PDE7B: variants seen among roughly 807,000 people sequenced by gnomAD.
PDE7B encodes phosphodiesterase 7B, also known as 3',5'-cyclic-AMP phosphodiesterase 7B.
In PDE7B, 29 loss-of-function variants were observed where a neutral mutation model predicts 56.2. The ratio of observed to expected loss-of-function variants is 0.52; its 90% CI spans 0.38 to 0.70. PDE7B has a LOEUF of 0.70. PDE7B is among the 30% of genes least tolerant of loss of function. The pLI is 0.00. For missense variants in PDE7B, 490 were observed against 565.0 expected (o/e 0.87, Z 1.35); for synonymous variants, 197 against 196.9 (o/e 1.00, Z 0.00).
chr6:136,109,254 G>C (rs560021579), intron 3 of PDE7B, among the ~76,000 whole-genome samples: 120 of 152,268 alleles, frequency 7.9e-4, no homozygotes, highest in Middle Eastern at 3.4e-3. Flanking sequence ...TGAGAGAATA[G>C]CTTGATCCCA....
chr6:136,073,476 A>C (rs1777081448), intron 2 of PDE7B, among the ~76,000 whole-genome samples: 1 of 152,194 alleles, frequency 6.6e-6, no homozygotes, highest in Non-Finnish European at 1.5e-5. Context: ...GTCCAGGATC[A>C]AGGCATCTGT....
At chr6:135,906,078 G>C (rs934016261) in intron 1 of PDE7B, among the ~76,000 whole-genome samples, 1 of 152,118 alleles carries the variant, frequency 6.6e-6, no homozygotes, top group African/African-American at 2.4e-5. Context: ...TGGTTGCTTG[G>C]AAGTGACGGT....
At chr6:136,148,536 T>C (rs1450372284) in intron 4 of PDE7B, among the ~76,000 whole-genome samples, 1 of 143,256 alleles carries the variant, frequency 7.0e-6, no homozygotes, top group Non-Finnish European at 1.5e-5. Context: ...CAGCAAGTAA[T>C]GTCAAAAGAG....
At position 136,149,269 on chromosome 6, in the gene PDE7B, T is replaced by C. The variant is rs192398783; in HGVS notation, c.382+119T>C. The C allele has an allele frequency of 1.1e-4, 82 of 713,728 alleles. No homozygotes were observed. In the East Asian group the frequency reaches 1.9e-3, roughly 16 times the overall value. The allele number at this position is 713,728 out of a possible 1,614,324, so 44.2% of individuals were successfully genotyped here. On this transcript the variant is annotated intron_variant, in intron 5 of 12. Transcript: ENST00000308191. ...CTTTTTCCTTCTTTCCCCATTTTCA[T>C]AAACCTACAGCTACTGAAGAAGGAC...
chr6:135,955,025 G>C (rs1313856790), intron 2 of PDE7B, among the ~76,000 whole-genome samples: 1 of 152,096 alleles, frequency 6.6e-6, no homozygotes, highest in Non-Finnish European at 1.5e-5. Flanking sequence ...CTTGTATTGA[G>C]TTAGCTTCAT....
At chr6:136,074,988 G>A (rs1777107704) in intron 2 of PDE7B, among the ~76,000 whole-genome samples, 1 of 152,040 alleles carries the variant, frequency 6.6e-6, no homozygotes. Context: ...ATAATTTAAG[G>A]GAATCTGGAT....
chr6:136,095,216 A>C (rs1777453533), intron 2 of PDE7B, among the ~76,000 whole-genome samples: 1 of 152,182 alleles, frequency 6.6e-6, no homozygotes, highest in Admixed American at 6.5e-5. Context: ...TTGCTTATCA[A>C]ATAATGTTCT....
At chr6:135,853,257 G>A (rs563945112) in intron 1 of PDE7B, among the ~76,000 whole-genome samples, 79 of 152,228 alleles carry the variant, frequency 5.2e-4, no homozygotes, top group African/African-American at 1.7e-3. Flanking sequence ...TATTAAGCAC[G>A]ATTTCAAACA....
intron 1 of PDE7B, among the ~76,000 whole-genome samples, chr6:135,922,240 A>G (rs944465867): frequency 4.6e-5 from 7 of 152,170 alleles, no homozygotes; most frequent in Non-Finnish European, 8.8e-5. Flanking sequence ...CCAGAGTGGC[A>G]TTTTATATGA....
chr6:136,167,504 G>A (rs1015152812), intron 8 of PDE7B, among the ~76,000 whole-genome samples: 3 of 152,140 alleles, frequency 2.0e-5, no homozygotes, highest in South Asian at 2.1e-4. Flanking sequence ...CATGTAAGAT[G>A]TGACTTGCTC....
intron 1 of PDE7B, among the ~76,000 whole-genome samples, chr6:135,902,771 C>A (rs1776027863): frequency 6.6e-6 from 1 of 152,080 alleles, no homozygotes; most frequent in African/African-American, 2.4e-5. Flanking sequence ...CAGCTTTTCA[C>A]AAATAAGTCA....
At chr6:136,048,119 G>GATAGATAGATAGATAGATAA (rs1306181319) in intron 2 of PDE7B, among the ~76,000 whole-genome samples, 5 of 152,110 alleles carry the variant, frequency 3.3e-5, no homozygotes, top group African/African-American at 1.2e-4. Context: ...CAGATAGATA[G>GATAGATAGATAGATAGATAA]ATGTGATATA....
At chr6:136,110,829 T>C (rs1418444689) in intron 3 of PDE7B, among the ~76,000 whole-genome samples, 1 of 151,790 alleles carries the variant, frequency 6.6e-6, no homozygotes, top group East Asian at 1.9e-4. Context: ...TTCAGTGTCA[T>C]ATTGTTCACC....
chr6:135,908,540 T>C (rs1776156899), intron 1 of PDE7B, among the ~76,000 whole-genome samples: 1 of 152,036 alleles, frequency 6.6e-6, no homozygotes, highest in African/African-American at 2.4e-5. Flanking sequence ...TAAGAATATG[T>C]TAAAAAAAAC....
At chr6:135,984,858 A>G (rs1031536611) in intron 2 of PDE7B, among the ~76,000 whole-genome samples, 4 of 152,078 alleles carry the variant, frequency 2.6e-5, no homozygotes, top group African/African-American at 9.7e-5. Flanking sequence ...GGAAGAGCTC[A>G]GAGCTTAGAG....
chr6:136,020,497 T>C (rs963568222), intron 2 of PDE7B, among the ~76,000 whole-genome samples: 3 of 152,152 alleles, frequency 2.0e-5, no homozygotes, highest in African/African-American at 7.2e-5. Context: ...TTGAAAAATA[T>C]ATTCTTATGG....
At chr6:135,970,934 T>C (rs1343476663) in intron 2 of PDE7B, among the ~76,000 whole-genome samples, 3 of 152,056 alleles carry the variant, frequency 2.0e-5, no homozygotes, top group African/African-American at 7.2e-5. Flanking sequence ...CTTAAGCAAC[T>C]GAATAATGGT....
At position 136,192,857 on chromosome 6, in the gene PDE7B, A is replaced by T. The variant is rs1364085082; in HGVS notation, c.*1017A>T. On this transcript the variant is annotated 3_prime_UTR_variant, in exon 13 of 13. Transcript: ENST00000308191. ...AGCTGCCCAACTTAAATCCTCATAG[A>T]TGTCTTTCTCAACTGCCTTCCCATG... 1 of 152,398 alleles carries T rather than the reference A, an allele frequency of 6.6e-6. No individual in the cohort carries two copies. The highest frequency in any genetic ancestry group is 1.9e-4 in the East Asian group (1 of 5,196). 9.4% of individuals were successfully genotyped at this position (152,398 alleles called of 1,614,324 possible).
intron 1 of PDE7B, among the ~76,000 whole-genome samples, chr6:135,922,558 T>C (rs560683839): frequency 6.6e-6 from 1 of 152,288 alleles, no homozygotes; most frequent in African/African-American, 2.4e-5. Flanking sequence ...AATTACCATA[T>C]TGGAGAGGAG....
Sources: gnomAD v4.1 joint callset for allele counts (sites outside exome capture counted in the v4.1 genomes callset) on GRCh38, gnomAD v4.1.1 for gene constraint, MANE v1.5 for transcripts, NCBI Gene and HGNC (gene_info 2026-07-23, HGNC 2026-07-21) for gene names.